The following LRRTM4 variants were observed in gnomAD, a reference collection of about 807,000 sequenced individuals.
LRRTM4 encodes leucine-rich repeat transmembrane neuronal protein 4.
LRRTM4 carries 25 observed loss-of-function variants against 47.6 expected under a neutral mutation model. The observed-to-expected ratio is 0.53, with a 90% CI of 0.38 to 0.73. The LOEUF (loss-of-function observed/expected upper bound fraction) is 0.73, where lower values mean the gene tolerates loss of function less well. Among genes scored for constraint, LRRTM4 ranks in the 30% least tolerant of loss-of-function variants. LRRTM4 has a pLI of 0.00. For missense variants in LRRTM4, 638 were observed against 713.4 expected (o/e 0.89, Z 1.20); for synonymous variants, 311 against 269.5 (o/e 1.15, Z -1.51).
chr2:76,843,371 A>T (rs1244411865), intron 3 of LRRTM4, among the ~76,000 whole-genome samples: 2 of 152,196 alleles, frequency 1.3e-5, no homozygotes, highest in African/African-American at 2.4e-5. Flanking sequence ...AAAAAACTTC[A>T]GTTATAGTCC....
intron 3 of LRRTM4, chr2:77,517,042 T>G: frequency 1.0e-6 from 1 of 984,932 alleles, no homozygotes; most frequent in Non-Finnish European, 1.2e-6. Context: ...AACATTATAT[T>G]GCCAGAATTT....
At chr2:77,004,964 A>G (rs1214062667) in intron 3 of LRRTM4, among the ~76,000 whole-genome samples, 1 of 152,086 alleles carries the variant, frequency 6.6e-6, no homozygotes, top group Non-Finnish European at 1.5e-5. Context: ...TGGAATGGGT[A>G]TATTTACCAA....
chr2:77,035,082 C>T (rs62170899), intron 3 of LRRTM4, among the ~76,000 whole-genome samples: 18,432 of 150,814 alleles, frequency 0.12, 1,405 homozygotes, highest in Admixed American at 0.19. Flanking sequence ...TTTTATTATA[C>T]TTTAAGTTCT....
Position 77,026,939 on chromosome 2 carries a change from C to G in LRRTM4, c.1552-278023G>C, listed in dbSNP as rs573797720. ...TTTTGAAGGAAAATATATGGCACAA[C>G]TTAATTAAAGCCAAGCAAAGAAAAT... On this transcript the variant is annotated intron_variant, in intron 3 of 3. Coordinates refer to ENST00000409884, the MANE Select transcript of LRRTM4 (RefSeq NM_001134745.3). 2.6e-5 allele frequency among the ~76,000 whole-genome samples: 4 copies of G among 152,154 alleles called. No homozygotes were observed. In the East Asian group the frequency reaches 7.7e-4, roughly 29 times the overall value.
chr2:76,796,258 A>T (rs564820175), intron 3 of LRRTM4, among the ~76,000 whole-genome samples: 1 of 130,540 alleles, frequency 7.7e-6, no homozygotes, highest in East Asian at 2.3e-4. Context: ...CCGCCATTGA[A>T]CAGGCTTGAT....
At chr2:77,066,708 C>T (rs1679967358) in intron 3 of LRRTM4, among the ~76,000 whole-genome samples, 2 of 151,962 alleles carry the variant, frequency 1.3e-5, no homozygotes. Context: ...TGCATATGTA[C>T]CTGTATATTT....
At chr2:77,126,430 T>C (rs1489007178) in intron 3 of LRRTM4, among the ~76,000 whole-genome samples, 1 of 152,178 alleles carries the variant, frequency 6.6e-6, no homozygotes, top group African/African-American at 2.4e-5. Flanking sequence ...GGTTTCTGTA[T>C]CATTTATTGT....
At chr2:77,118,170 AT>A (rs1177735674) in intron 3 of LRRTM4, among the ~76,000 whole-genome samples, 1 of 151,774 alleles carries the variant, frequency 6.6e-6, no homozygotes, top group Non-Finnish European at 1.5e-5. Flanking sequence ...AAATTGGTAG[AT>A]TTTTTTGTAG....
intron 3 of LRRTM4, among the ~76,000 whole-genome samples, chr2:77,502,220 T>C (rs1168180600): frequency 6.6e-6 from 1 of 151,618 alleles, no homozygotes; most frequent in Non-Finnish European, 1.5e-5. Context: ...TCACTTACAT[T>C]ATTATTTTTG....
intron 3 of LRRTM4, among the ~76,000 whole-genome samples, chr2:77,488,155 T>C (rs1678000013): frequency 6.6e-6 from 1 of 152,136 alleles, no homozygotes; most frequent in Admixed American, 6.5e-5. Context: ...CTCCCCAAGC[T>C]AGGGCTATGA....
At chr2:77,025,831 T>C (rs1382497819) in intron 3 of LRRTM4, among the ~76,000 whole-genome samples, 1 of 152,184 alleles carries the variant, frequency 6.6e-6, no homozygotes, top group African/African-American at 2.4e-5. Flanking sequence ...TTAAATGCCA[T>C]TTTATCAACA....
intron 3 of LRRTM4, among the ~76,000 whole-genome samples, chr2:77,294,414 C>T (rs190261977): frequency 5.6e-4 from 85 of 152,154 alleles, no homozygotes; most frequent in African/African-American, 2.0e-3. Context: ...ATGCATTTGG[C>T]AGAATGTATT....
intron 3 of LRRTM4, among the ~76,000 whole-genome samples, chr2:76,918,265 T>C (rs1409830745): frequency 1.3e-5 from 2 of 152,212 alleles, no homozygotes; most frequent in Admixed American, 6.5e-5. Context: ...AATCACAGAA[T>C]AGCAACAAAC....
chr2:76,884,047 T>C (rs1673003294), intron 3 of LRRTM4, among the ~76,000 whole-genome samples: 1 of 151,862 alleles, frequency 6.6e-6, no homozygotes, highest in African/African-American at 2.4e-5. Flanking sequence ...CTCCAACTCC[T>C]GGCTTCAAGT....
chr2:77,279,261 G>A (rs1676445204), intron 3 of LRRTM4, among the ~76,000 whole-genome samples: 2 of 151,924 alleles, frequency 1.3e-5, no homozygotes, highest in Admixed American at 6.6e-5. Context: ...AGTCTTATCA[G>A]GGGACAGAAA....
At chr2:76,997,729 T>C (rs1364414483) in intron 3 of LRRTM4, among the ~76,000 whole-genome samples, 2 of 152,126 alleles carry the variant, frequency 1.3e-5, no homozygotes, top group African/African-American at 4.8e-5. Context: ...TACCAGTCCA[T>C]GGCCTGTTAG....
rs144115827 is a variant in LRRTM4 at position 76,918,858 on chromosome 2, G to A, written c.1552-169942C>T. On this transcript the variant is annotated intron_variant, in intron 3 of 3. Coordinates refer to ENST00000409884, the MANE Select transcript of LRRTM4 (RefSeq NM_001134745.3). ...GAGCATGAATAAGAATGTCATCCAC[G>A]ATGTATTCCACATTTCATACTAACT... 2.7e-3 allele frequency among the ~76,000 whole-genome samples: 415 copies of A among 152,188 alleles called. 3 individuals carry two copies. The highest frequency in any genetic ancestry group is 9.3e-3 in the African/African-American group (387 of 41,534).
At chr2:77,510,250 C>T (rs60161069) in intron 3 of LRRTM4, among the ~76,000 whole-genome samples, 19,330 of 151,870 alleles carry the variant, frequency 0.13, 1,520 homozygotes, top group Non-Finnish European at 0.18. Flanking sequence ...TTAAAGGAAA[C>T]AAGAAATCAA....
intron 3 of LRRTM4, among the ~76,000 whole-genome samples, chr2:76,913,139 T>C (rs2103785809): frequency 6.6e-6 from 1 of 152,338 alleles, no homozygotes; most frequent in African/African-American, 2.4e-5. Context: ...AATATATCTT[T>C]ACATCTGTCT....
Sources: gnomAD v4.1 joint callset for allele counts (sites outside exome capture counted in the v4.1 genomes callset) on GRCh38, gnomAD v4.1.1 for gene constraint, MANE v1.5 for transcripts, NCBI Gene and HGNC (gene_info 2026-07-23, HGNC 2026-07-21) for gene names.